LRMDA: variants seen among roughly 807,000 people sequenced by gnomAD.
LRMDA encodes the protein leucine-rich melanocyte differentiation-associated protein.
LRMDA carries 18 observed loss-of-function variants against 29.8 expected under a neutral mutation model. The ratio of observed to expected loss-of-function variants is 0.60; its 90% CI spans 0.42 to 0.90. The LOEUF is 0.90. Among genes scored for constraint, LRMDA ranks in the 40% least tolerant of loss-of-function variants. The pLI is 0.00. For synonymous variants in LRMDA, 125 were observed against 109.4 expected (o/e 1.14, Z -0.89); for missense variants, 273 against 273.9 (o/e 1.00, Z 0.02).
At chr10:76,544,923 A>G (rs1428339670) in intron 6 of LRMDA, among the ~76,000 whole-genome samples, 1 of 152,212 alleles carries the variant, frequency 6.6e-6, no homozygotes, top group African/African-American at 2.4e-5. Flanking sequence ...GTTAGATTAT[A>G]TATCATCAGA....
chr10:76,114,212 T>C (rs1389546464), intron 5 of LRMDA, among the ~76,000 whole-genome samples: 1 of 152,202 alleles, frequency 6.6e-6, no homozygotes, highest in Non-Finnish European at 1.5e-5. Flanking sequence ...TTAACAAAAC[T>C]TTTCTAATAT....
intron 2 of LRMDA, among the ~76,000 whole-genome samples, chr10:75,647,349 A>G (rs974176085): frequency 3.9e-5 from 6 of 152,212 alleles, no homozygotes; most frequent in Non-Finnish European, 7.3e-5. Context: ...CCCATGAAGG[A>G]GACTCAAACA....
intron 2 of LRMDA, among the ~76,000 whole-genome samples, chr10:75,499,020 G>A (rs981233209): frequency 1.3e-5 from 2 of 152,040 alleles, no homozygotes; most frequent in Non-Finnish European, 2.9e-5. Context: ...GTGCTGATCT[G>A]GATGCACAGG....
chr10:75,903,562 A>T (rs1271690158), intron 2 of LRMDA, among the ~76,000 whole-genome samples: 1 of 152,206 alleles, frequency 6.6e-6, no homozygotes, highest in East Asian at 1.9e-4. Flanking sequence ...AGTTTATTTC[A>T]TTATCATTAT....
At chr10:75,840,739 T>G (rs1844527022) in intron 2 of LRMDA, among the ~76,000 whole-genome samples, 1 of 152,228 alleles carries the variant, frequency 6.6e-6, no homozygotes, top group African/African-American at 2.4e-5. Context: ...AACTTATAAT[T>G]TTACAGTTGC....
intron 2 of LRMDA, among the ~76,000 whole-genome samples, chr10:75,816,914 G>A (rs1039577131): frequency 6.6e-6 from 1 of 152,130 alleles, no homozygotes; most frequent in Non-Finnish European, 1.5e-5. Flanking sequence ...ATAGGTTCAA[G>A]GGCAAACATG....
chr10:75,821,975 A>T (rs1034527372), intron 2 of LRMDA, among the ~76,000 whole-genome samples: 7 of 152,210 alleles, frequency 4.6e-5, no homozygotes, highest in Non-Finnish European at 1.0e-4. Context: ...TGGAAGTCCT[A>T]GCTACAGCAC....
chr10:75,962,139 A>G (rs1169881459), intron 2 of LRMDA, among the ~76,000 whole-genome samples: 1 of 152,240 alleles, frequency 6.6e-6, no homozygotes, highest in Non-Finnish European at 1.5e-5. Flanking sequence ...CTGAGGTACC[A>G]GGGGTTAGGA....
At chr10:76,540,119 C>T (rs1843336872) in intron 6 of LRMDA, among the ~76,000 whole-genome samples, 1 of 151,338 alleles carries the variant, frequency 6.6e-6, no homozygotes, top group African/African-American at 2.5e-5. Context: ...AAGACACACA[C>T]AACACACATA....
chr10:75,482,267 C>G (rs570904537), intron 2 of LRMDA, among the ~76,000 whole-genome samples: 2 of 152,110 alleles, frequency 1.3e-5, no homozygotes, highest in Admixed American at 1.3e-4. Context: ...TCTGCCATTG[C>G]CTGCTCTGAG....
chr10:76,102,885 C>T (rs549063903), intron 5 of LRMDA, among the ~76,000 whole-genome samples: 2 of 152,234 alleles, frequency 1.3e-5, no homozygotes, highest in East Asian at 1.9e-4. Flanking sequence ...CTCTTGGGTT[C>T]AAGCAGTCCT....
At chr10:76,359,885 C>A (rs1358015505) in intron 6 of LRMDA, among the ~76,000 whole-genome samples, 1 of 152,112 alleles carries the variant, frequency 6.6e-6, no homozygotes, top group African/African-American at 2.4e-5. Flanking sequence ...GAAATAGCAG[C>A]AAGTTTTACC....
At chr10:76,203,160 A>G (rs1851464659) in intron 5 of LRMDA, among the ~76,000 whole-genome samples, 1 of 152,218 alleles carries the variant, frequency 6.6e-6, no homozygotes, top group African/African-American at 2.4e-5. Context: ...GTGACTGGAC[A>G]TTTTGGAGTC....
At chr10:76,238,390 C>T (rs1038895690) in intron 5 of LRMDA, among the ~76,000 whole-genome samples, 4 of 152,140 alleles carry the variant, frequency 2.6e-5, no homozygotes, top group East Asian at 1.9e-4. Flanking sequence ...GACAGAGCCA[C>T]GAATTTAACT....
At chr10:76,556,337 TG>T (rs1843556403) in intron 6 of LRMDA, 1 of 151,892 alleles carries the variant, frequency 6.6e-6, no homozygotes, top group African/African-American at 2.4e-5. Context: ...GTCCATGTGG[TG>T]TTTTTTTTTG....
At chr10:75,630,364 C>T (rs1289238389) in intron 2 of LRMDA, among the ~76,000 whole-genome samples, 3 of 152,204 alleles carry the variant, frequency 2.0e-5, no homozygotes, top group Non-Finnish European at 2.9e-5. Context: ...GACCAGTCTT[C>T]GCTGGTTTTT....
chr10:76,336,185 G>T (rs1055895833), intron 6 of LRMDA, among the ~76,000 whole-genome samples: 8 of 119,534 alleles, frequency 6.7e-5, no homozygotes, highest in Non-Finnish European at 9.7e-5. Context: ...GAAGTGAAAT[G>T]AAACTTAAAC....
intron 4 of LRMDA, among the ~76,000 whole-genome samples, chr10:76,057,435 TG>T (rs753426878): frequency 2.9e-4 from 44 of 152,288 alleles, no homozygotes; most frequent in Non-Finnish European, 5.3e-4. Flanking sequence ...GTTTTCAAGA[TG>T]TGGTGAGAGT....
chr10:75,615,738 G>C (rs1259291987), intron 2 of LRMDA, among the ~76,000 whole-genome samples: 3 of 152,150 alleles, frequency 2.0e-5, no homozygotes, highest in Non-Finnish European at 4.4e-5. Context: ...CAGAGTTAAT[G>C]GTCCTTTGAC....
Sources: gnomAD v4.1 joint callset for allele counts (sites outside exome capture counted in the v4.1 genomes callset) on GRCh38, gnomAD v4.1.1 for gene constraint, MANE v1.5 for transcripts, NCBI Gene and HGNC (gene_info 2026-07-23, HGNC 2026-07-21) for gene names.